The following ZFTRAF1 variants were observed in gnomAD, a reference collection of about 807,000 sequenced individuals.
The protein encoded by ZFTRAF1 is zinc finger TRAF-type and ring finger containing 1.
At chr8:144,452,034 CCT>C in the ZFTRAF1 span, 1 of 404,802 alleles carries the variant, frequency 2.5e-6, no homozygotes, top group South Asian at 2.1e-5. Flanking sequence ...CTGGTTAGAC[CCT>C]GACTGTCTTG....
At chr8:144,450,655 C>G in the ZFTRAF1 span, 1 of 717,832 alleles carries the variant, frequency 1.4e-6, no homozygotes, top group Non-Finnish European at 2.6e-6. Flanking sequence ...GGTTACGCTC[C>G]GAGTCGTTGA....
At chr8:144,451,923 A>C in the ZFTRAF1 span, 1 of 262,936 alleles carries the variant, frequency 3.8e-6, no homozygotes, top group African/African-American at 2.2e-5. Flanking sequence ...CGGGGCAGTG[A>C]CTGCCTGCAG....
the ZFTRAF1 span, among the ~76,000 whole-genome samples, chr8:144,458,081 C>T: frequency 3.7e-4 from 56 of 152,252 alleles, no homozygotes; most frequent in Admixed American, 1.2e-3. Context: ...ATGCACCCCG[C>T]GTGCTCGGCC....
the ZFTRAF1 span, chr8:144,453,576 G>A: frequency 1.1e-6 from 1 of 923,326 alleles, no homozygotes; most frequent in East Asian, 2.6e-5. Flanking sequence ...CTGGTGCAGA[G>A]GGGCGCACGT....
the ZFTRAF1 span, chr8:144,450,001 G>A: frequency 1.2e-5 from 3 of 247,424 alleles, no homozygotes; most frequent in Non-Finnish European, 2.4e-5. Flanking sequence ...CAAGGCCCCC[G>A]CGCCCCGCCG....
chr8:144,451,044 G>A, the ZFTRAF1 span: 120 of 417,374 alleles, frequency 2.9e-4, no homozygotes, highest in Non-Finnish European at 4.4e-4. Flanking sequence ...AGGCGTGCCC[G>A]ACCCACGCTG....
chr8:144,455,925 T>G, the ZFTRAF1 span: 4 of 152,700 alleles, frequency 2.6e-5, no homozygotes, highest in African/African-American at 9.6e-5. Flanking sequence ...GGCCGGCCCC[T>G]GGCCACAGGC....
At chr8:144,460,860 G>A in the ZFTRAF1 span, among the ~76,000 whole-genome samples, 2 of 152,260 alleles carry the variant, frequency 1.3e-5, no homozygotes, top group African/African-American at 4.8e-5. Flanking sequence ...CTCCAGCCTG[G>A]GTGACAGAGT....
chr8:144,451,834 A>G, the ZFTRAF1 span: 1 of 201,172 alleles, frequency 5.0e-6, no homozygotes, highest in Non-Finnish European at 1.0e-5. Flanking sequence ...CCGGTTCTAC[A>G]GTTTGAGTCG....
the ZFTRAF1 span, chr8:144,457,603 G>T: frequency 1.3e-5 from 2 of 152,212 alleles, no homozygotes; most frequent in African/African-American, 4.8e-5. Context: ...CTGGCTACAG[G>T]CAGCTCACGT....
At chr8:144,462,743 C>A in the ZFTRAF1 span, 2 of 149,116 alleles carry the variant, frequency 1.3e-5, no homozygotes, top group Non-Finnish European at 3.0e-5. Flanking sequence ...TCTCCTGCCG[C>A]CGCCGCCGCG....
chr8:144,452,148 C>T, the ZFTRAF1 span: 1 of 649,078 alleles, frequency 1.5e-6, no homozygotes, highest in Middle Eastern at 2.5e-4. Flanking sequence ...CACAGGTGTG[C>T]ACCTGGGGTC....
the ZFTRAF1 span, among the ~76,000 whole-genome samples, chr8:144,461,781 A>T: frequency 1.3e-5 from 2 of 152,208 alleles, no homozygotes; most frequent in African/African-American, 4.8e-5. Flanking sequence ...GGAGGGTAGA[A>T]AAGGAGGCGT....
the ZFTRAF1 span, chr8:144,450,839 C>T: frequency 1.6e-6 from 1 of 627,652 alleles, no homozygotes; most frequent in Non-Finnish European, 3.0e-6. Context: ...CAACGCCTTC[C>T]CTGACCAGGC....
At chr8:144,453,609 G>A in the ZFTRAF1 span, 18 of 690,612 alleles carry the variant, frequency 2.6e-5, no homozygotes, top group South Asian at 3.2e-4. Flanking sequence ...TCGTGCTGGA[G>A]TGTGGTGAAC....
the ZFTRAF1 span, chr8:144,452,132 G>A: frequency 3.3e-6 from 2 of 599,884 alleles, no homozygotes; most frequent in East Asian, 2.9e-5. Flanking sequence ...GCTGCTGTGA[G>A]AGCCACACAG....
chr8:144,455,286 G>A, the ZFTRAF1 span: 1 of 152,226 alleles, frequency 6.6e-6, no homozygotes, highest in Non-Finnish European at 1.5e-5. Flanking sequence ...CTACACTCCA[G>A]CCTGGGAGAC....
the ZFTRAF1 span, among the ~76,000 whole-genome samples, chr8:144,459,537 G>A: frequency 2.6e-5 from 4 of 152,250 alleles, no homozygotes; most frequent in African/African-American, 4.8e-5. Context: ...AGGCATCATC[G>A]TACGGGCACA....
chr8:144,458,765 GT>G, the ZFTRAF1 span, among the ~76,000 whole-genome samples: 1 of 152,240 alleles, frequency 6.6e-6, no homozygotes, highest in Non-Finnish European at 1.5e-5. Context: ...AAGTCTCAAA[GT>G]GGGGGCGCTG....
Sources: allele counts gnomAD v4.1 joint callset (sites outside exome capture counted in the v4.1 genomes callset), GRCh38; gene constraint gnomAD v4.1.1; transcripts MANE v1.5; gene names NCBI Gene and HGNC (gene_info 2026-07-23, HGNC 2026-07-21).